SLC35F3: variants seen among roughly 807,000 people sequenced by gnomAD.
SLC35F3 encodes the protein solute carrier family 35 member F3, also known as putative thiamine transporter SLC35F3.
Under a neutral mutation model 49.9 loss-of-function variants are expected in SLC35F3, and 25 were observed. That is an observed-to-expected ratio of 0.50 (90% CI 0.37 to 0.70). SLC35F3 has a LOEUF of 0.70. SLC35F3 is among the 30% of genes least tolerant of loss of function. The pLI, the probability that SLC35F3 is intolerant of heterozygous loss-of-function variation, is 0.00. For missense variants in SLC35F3, 525 were observed against 639.8 expected, an observed-to-expected ratio of 0.82 and a Z score of 1.94; for synonymous variants, 275 against 265.4, an observed-to-expected ratio of 1.04 and a Z score of -0.35.
chr1:233,932,325 CA>C (rs966882735), intron 2 of SLC35F3, among the ~76,000 whole-genome samples: 9 of 152,036 alleles, frequency 5.9e-5, no homozygotes, highest in Non-Finnish European at 1.3e-4. Context: ...CTTGCTGTCT[CA>C]GGGGTGGCAG....
At chr1:233,955,623 G>A (rs1362672665) in intron 2 of SLC35F3, among the ~76,000 whole-genome samples, 1 of 151,980 alleles carries the variant, frequency 6.6e-6, no homozygotes, top group African/African-American at 2.4e-5. Flanking sequence ...TTTTGTTCAG[G>A]TTTTAAAACA....
chr1:234,006,167 C>T lies in SLC35F3; in HGVS notation c.283+100409C>T, dbSNP rs148300941. ...TCTCCTTCAGGCTGGAGGCTGGGAA[C>T]AGTGACATCACTCTTCTCAAGACTC... On this transcript the variant is annotated intron_variant, in intron 2 of 7. Coordinates refer to ENST00000366618, the MANE Select transcript of SLC35F3 (RefSeq NM_173508.4). Among the ~76,000 whole-genome samples, 23 of 152,226 alleles carry T rather than the reference C, an allele frequency of 1.5e-4. No homozygotes were observed. In the East Asian group the frequency reaches 4.2e-3, roughly 28 times the overall value.
chr1:234,136,932 T>C (rs1665820824), intron 2 of SLC35F3, among the ~76,000 whole-genome samples: 1 of 152,250 alleles, frequency 6.6e-6, no homozygotes, highest in African/African-American at 2.4e-5. Context: ...CATGTATCTC[T>C]AAGGGTTCCT....
intron 2 of SLC35F3, among the ~76,000 whole-genome samples, chr1:234,070,576 A>G (rs1664697686): frequency 6.6e-6 from 1 of 152,190 alleles, no homozygotes. Context: ...TGTCCCATAG[A>G]CAAATCTAAC....
At chr1:234,077,558 G>A (rs1664810579) in intron 2 of SLC35F3, among the ~76,000 whole-genome samples, 1 of 152,144 alleles carries the variant, frequency 6.6e-6, no homozygotes, top group Non-Finnish European at 1.5e-5. Flanking sequence ...TTGACATGTG[G>A]GGATTATGGG....
rs557174969 is a variant in SLC35F3 at position 234,198,200 on chromosome 1, G to A, written c.284-33217G>A. ...CAGGTAAGAAATGATTTCCTGTGAA[G>A]GCTTTTTGGTCATTTTCATGTTGAT... On this transcript the variant is annotated intron_variant, in intron 2 of 7. Transcript: ENST00000366618. Among the ~76,000 whole-genome samples the A allele has an allele frequency of 2.6e-5, 4 of 152,288 alleles. No homozygotes were observed. The South Asian group carries it at 8.3e-4, about 32-fold the overall frequency.
rs1242389369 is a variant in SLC35F3, at chr1:234,194,848, T to C, written c.284-36569T>C. ...TTCAAACATGGGTTTTTAACCCATG[T>C]TCCTGTTTCCTGTCCTGTTAGCCCA... is the stretch of plus-strand genomic sequence containing the variant. On this transcript the variant is annotated intron_variant, in intron 2 of 7. Transcript: ENST00000366618. 2.6e-5 allele frequency among the ~76,000 whole-genome samples: 4 copies of C among 151,366 alleles called. No homozygotes were observed. In the East Asian group the frequency reaches 7.7e-4, roughly 29 times the overall value.
intron 2 of SLC35F3, among the ~76,000 whole-genome samples, chr1:234,034,325 G>T (rs1241354429): frequency 6.6e-6 from 1 of 152,016 alleles, no homozygotes; most frequent in Non-Finnish European, 1.5e-5. Flanking sequence ...TTACCAATTT[G>T]GATGCCCTTT....
chr1:234,059,653 T>TAGACATAGACAA (rs1664511186), intron 2 of SLC35F3, among the ~76,000 whole-genome samples: 1 of 151,490 alleles, frequency 6.6e-6, no homozygotes, highest in African/African-American at 2.4e-5. Context: ...GACATAGACA[T>TAGACATAGACAA]AGACATAGAC....
intron 2 of SLC35F3, among the ~76,000 whole-genome samples, chr1:233,975,079 G>T (rs1663059644): frequency 6.6e-6 from 1 of 152,246 alleles, no homozygotes; most frequent in Non-Finnish European, 1.5e-5. Flanking sequence ...AGAGAAGCCA[G>T]AATGAAGATT....
intron 2 of SLC35F3, among the ~76,000 whole-genome samples, chr1:234,044,055 GT>G (rs1467417629): frequency 1.3e-5 from 2 of 152,144 alleles, no homozygotes; most frequent in Non-Finnish European, 2.9e-5. Flanking sequence ...TTATGTCCTG[GT>G]GGCTCCATCC....
At chr1:233,905,865 G>A (rs1226480487) in intron 2 of SLC35F3, 107 bp downstream of exon 2, 3 of 1,042,976 alleles carry the variant, frequency 2.9e-6, no homozygotes, top group Non-Finnish European at 4.2e-6. Flanking sequence ...ACCCCCTCCC[G>A]CCCTGCCTGC....
At chr1:234,137,077 A>T (rs534319599) in intron 2 of SLC35F3, among the ~76,000 whole-genome samples, 1 of 152,232 alleles carries the variant, frequency 6.6e-6, no homozygotes, top group Non-Finnish European at 1.5e-5. Flanking sequence ...TGGAAGCACC[A>T]TGAGTGAACT....
At position 234,081,434 on chromosome 1, in the gene SLC35F3, T is replaced by C. The variant is rs1039301691; in HGVS notation, c.284-149983T>C. On this transcript the variant is annotated intron_variant, in intron 2 of 7. Transcript: ENST00000366618. ...AGAGTTCTAATTTGTACTCCCTTGA[T>C]CCAAGCTGCTGGTTCCTGTTTCCCA... 2.6e-5 allele frequency among the ~76,000 whole-genome samples: 4 copies of C among 152,304 alleles called. 1 individual carries two copies. In the South Asian group the frequency reaches 8.3e-4, roughly 32 times the overall value.
Position 234,027,168 on chromosome 1 carries a change from C to A in SLC35F3, c.283+121410C>A. The A allele has an allele frequency of 6.4e-6, 1 of 155,618 alleles. No individual in the cohort carries two copies. The highest frequency in any genetic ancestry group is 1.8e-4 in the South Asian group (1 of 5,442). 9.6% of individuals were successfully genotyped at this position (155,618 alleles called of 1,614,324 possible). ...GAAATGAGTTGGTTGTATAACCAGTCAATAGGCAAGTTTTACCTGCAGCTC... is the reference window on the plus strand; with the variant it reads ...GAAATGAGTTGGTTGTATAACCAGTAAATAGGCAAGTTTTACCTGCAGCTC... On this transcript the variant is annotated intron_variant, in intron 2 of 7. Coordinates refer to ENST00000366618, the MANE Select transcript of SLC35F3 (RefSeq NM_173508.4). The surrounding 1 kb of genome is among the most constrained non-coding windows in gnomAD (Gnocchi z 4.1).
chr1:234,257,314 TA>T (rs570932120), intron 3 of SLC35F3, among the ~76,000 whole-genome samples: 318 of 152,362 alleles, frequency 2.1e-3, no homozygotes, highest in African/African-American at 7.1e-3. Flanking sequence ...TCTTTGAAGT[TA>T]TTATCCTTGT....
chr1:234,143,204 C>G (rs1399766680), intron 2 of SLC35F3, among the ~76,000 whole-genome samples: 4 of 151,960 alleles, frequency 2.6e-5, no homozygotes, highest in Admixed American at 2.0e-4. Flanking sequence ...CTCTTTGTAC[C>G]CTTTGTCCCT....
intron 2 of SLC35F3, among the ~76,000 whole-genome samples, chr1:234,226,086 A>G (rs765039992): frequency 1.3e-4 from 20 of 152,226 alleles, no homozygotes; most frequent in Non-Finnish European, 2.5e-4. Context: ...CCAAAATGAT[A>G]CTATGGTAAT....
rs1270662984 is a variant in SLC35F3, at chr1:234,126,012, C to T, written c.284-105405C>T. On this transcript the variant is annotated intron_variant, in intron 2 of 7. Coordinates refer to ENST00000366618, the MANE Select transcript of SLC35F3 (RefSeq NM_173508.4). Reference sequence around the variant, plus strand: ...CCGCTCTAGGGTCACACTGTTGACTCTAAAGACATTCAAGTCCCTGGTGAA... The same window carrying T: ...CCGCTCTAGGGTCACACTGTTGACTTTAAAGACATTCAAGTCCCTGGTGAA... 3.3e-5 allele frequency among the ~76,000 whole-genome samples: 5 copies of T among 152,318 alleles called. No homozygotes were observed. The East Asian group carries it at 9.6e-4, about 29-fold the overall frequency.
Sources: allele counts gnomAD v4.1 joint callset (sites outside exome capture counted in the v4.1 genomes callset), GRCh38; gene constraint gnomAD v4.1.1; non-coding constraint Gnocchi (gnomAD v3.1); transcripts MANE v1.5; gene names NCBI Gene and HGNC (gene_info 2026-07-23, HGNC 2026-07-21).